Variants in KCNIP4 observed in about 807,000 individuals in gnomAD.
KCNIP4 encodes potassium voltage-gated channel interacting protein 4.
A neutral mutation model predicts 34.0 loss-of-function variants in KCNIP4; 12 were observed. The ratio of observed to expected loss-of-function variants is 0.35; its 90% CI spans 0.23 to 0.57. The LOEUF is 0.57. Among genes scored for constraint, KCNIP4 ranks in the 20% least tolerant of loss-of-function variants. KCNIP4 has a pLI of 0.83. For missense variants in KCNIP4, 238 were observed against 311.7 expected (o/e 0.76, Z 1.78); for synonymous variants, 124 against 102.2 (o/e 1.21, Z -1.29).
intron 1 of KCNIP4, among the ~76,000 whole-genome samples, chr4:21,625,421 T>C (rs1214615369): frequency 1.3e-5 from 2 of 152,122 alleles, no homozygotes; most frequent in African/African-American, 4.8e-5. Flanking sequence ...GTTATCCTAA[T>C]TGGGGAGTAG....
intron 1 of KCNIP4, among the ~76,000 whole-genome samples, chr4:21,223,013 G>A (rs1758092191): frequency 1.3e-5 from 2 of 152,274 alleles, no homozygotes; most frequent in African/African-American, 4.8e-5. Context: ...TCCCAAAGAT[G>A]TCCACATCCT....
In KCNIP4 at chr4:21,054,388, G is replaced by T. The variant is rs1743217537; in HGVS notation, c.62-171679C>A. On this transcript the variant is annotated intron_variant, in intron 1 of 8. Coordinates refer to ENST00000382152, the MANE Select transcript of KCNIP4 (RefSeq NM_025221.6). ...ACAAAAATTAGCCAGGCGTGGTGGT[G>T]GACAACTGTAATCCCAGCTACTCAG... Among the ~76,000 whole-genome samples the T allele has an allele frequency of 2.0e-5, 3 of 151,832 alleles. No homozygotes were observed. The South Asian group carries it at 6.2e-4, about 32-fold the overall frequency.
Position 21,771,575 on chromosome 4 carries a change from G to C in KCNIP4, c.61+176996C>G, listed in dbSNP as rs557688121. 9.9e-5 allele frequency among the ~76,000 whole-genome samples: 15 copies of C among 152,248 alleles called. No individual in the cohort carries two copies. In the East Asian group the frequency reaches 1.9e-3, roughly 20 times the overall value. On this transcript the variant is annotated intron_variant, in intron 1 of 8. Coordinates refer to ENST00000382152, the MANE Select transcript of KCNIP4 (RefSeq NM_025221.6). ...TGATATTGATTCTTCCTATCCATGA[G>C]GATGGAATGTTTTCCCATTTGTTTG...
chr4:21,342,154 A>G (rs559126347), intron 1 of KCNIP4, among the ~76,000 whole-genome samples: 3 of 152,214 alleles, frequency 2.0e-5, no homozygotes, highest in Non-Finnish European at 4.4e-5. Context: ...GGCACGGGGT[A>G]GGAAGAAAAG....
At chr4:21,476,328 A>G (rs1249239003) in intron 1 of KCNIP4, among the ~76,000 whole-genome samples, 1 of 152,160 alleles carries the variant, frequency 6.6e-6, no homozygotes, top group Non-Finnish European at 1.5e-5. Context: ...CTCGAATATC[A>G]TATGTTGAAG....
chr4:21,583,344 C>T (rs1160039321), intron 1 of KCNIP4, among the ~76,000 whole-genome samples: 2 of 151,840 alleles, frequency 1.3e-5, no homozygotes, highest in Non-Finnish European at 2.9e-5. Context: ...TGCTGTGCTT[C>T]AGGATCCTCA....
rs200565369 is a variant in KCNIP4 at position 20,876,719 on chromosome 4, C to T, written c.163+5889G>A. On this transcript the variant is annotated intron_variant, in intron 2 of 8. Coordinates refer to ENST00000382152, the MANE Select transcript of KCNIP4 (RefSeq NM_025221.6). ...CCTTCCAAGTAGCTGGGACTACAGA[C>T]GTGCCACCACGCCCAGCTAATTTTT... Among the ~76,000 whole-genome samples, 23 of 152,210 alleles carry T rather than the reference C, an allele frequency of 1.5e-4. No homozygotes were observed. The East Asian group carries it at 2.5e-3, about 17-fold the overall frequency.
chr4:21,238,440 G>C (rs1482914921), intron 1 of KCNIP4, among the ~76,000 whole-genome samples: 1 of 152,142 alleles, frequency 6.6e-6, no homozygotes, highest in Non-Finnish European at 1.5e-5. Flanking sequence ...AAGTCAAATT[G>C]TCCCTGTTTG....
In KCNIP4 at chr4:21,396,567, A is replaced by AAAAAAAAAG. The variant is rs1471867804; in HGVS notation, c.62-513859_62-513858insCTTTTTTTT. ...AAGACTCCAAAAAAAAAAAAAAAAA[A>AAAAAAAAAG]AGAGGATTCTGATATTTAAAGTAGA... is the stretch of plus-strand genomic sequence containing the variant. On this transcript the variant is annotated intron_variant, in intron 1 of 8. Coordinates refer to ENST00000382152, the MANE Select transcript of KCNIP4 (RefSeq NM_025221.6). Among the ~76,000 whole-genome samples the AAAAAAAAAG allele has an allele frequency of 7.9e-5, 12 of 151,056 alleles. No homozygotes were observed. The South Asian group carries it at 2.3e-3, about 29-fold the overall frequency.
intron 1 of KCNIP4, among the ~76,000 whole-genome samples, chr4:21,435,812 C>T (rs1050265410): frequency 2.0e-5 from 3 of 152,080 alleles, no homozygotes; most frequent in South Asian, 4.1e-4. Flanking sequence ...TTGTTATCAA[C>T]GACTTCTACT....
chr4:21,714,261 C>G (rs1328935022), intron 1 of KCNIP4, among the ~76,000 whole-genome samples: 1 of 152,146 alleles, frequency 6.6e-6, no homozygotes. Flanking sequence ...CTCATAGCAG[C>G]TAGGAACATT....
chr4:21,839,950 C>A (rs2109318765), intron 1 of KCNIP4, among the ~76,000 whole-genome samples: 1 of 152,084 alleles, frequency 6.6e-6, no homozygotes, highest in East Asian at 1.9e-4. Flanking sequence ...CCCTCCCCAC[C>A]CTACATCTTG....
rs1378141523 is a variant in KCNIP4, at chr4:21,178,834, TG to T, written c.62-296126del. On this transcript the variant is annotated intron_variant, in intron 1 of 8. Transcript: ENST00000382152. ...ACCAAACTTTTTTTTTTTTTTTTTT[TG>T]TTTTGAGTGTCTCATTCATTGCTCA... is the stretch of plus-strand genomic sequence containing the variant. Among the ~76,000 whole-genome samples, 683 of 139,574 alleles carry T rather than the reference TG, an allele frequency of 4.9e-3. 6 individuals are homozygous for T. Among genetic ancestry groups the T allele is most frequent in the African/African-American group, 0.014 (536 of 38,150 alleles). 91.6% of individuals were successfully genotyped at this position (139,574 alleles called of 152,430 possible). A position where few individuals can be genotyped will look rare whatever the true frequency, so the allele number is the denominator to read the frequency against.
chr4:21,358,092 T>A (rs1452724452), intron 1 of KCNIP4, among the ~76,000 whole-genome samples: 1 of 152,114 alleles, frequency 6.6e-6, no homozygotes, highest in Admixed American at 6.6e-5. Context: ...CACCGCCTGT[T>A]CTCACTCATA....
chr4:21,143,404 G>T (rs1752116153), intron 1 of KCNIP4, among the ~76,000 whole-genome samples: 1 of 152,162 alleles, frequency 6.6e-6, no homozygotes, highest in African/African-American at 2.4e-5. Context: ...AGGAAATGGG[G>T]AACCTCAGTC....
chr4:21,525,326 T>C (rs1036660622), intron 1 of KCNIP4, among the ~76,000 whole-genome samples: 1 of 152,134 alleles, frequency 6.6e-6, no homozygotes, highest in Non-Finnish European at 1.5e-5. Flanking sequence ...TGCTTAGTAT[T>C]AGTTGGACAA....
chr4:21,911,057 G>T (rs566234878), intron 1 of KCNIP4, among the ~76,000 whole-genome samples: 2 of 151,886 alleles, frequency 1.3e-5, no homozygotes, highest in Non-Finnish European at 2.9e-5. Context: ...CATACAATGA[G>T]TTGACAGCCT....
intron 1 of KCNIP4, among the ~76,000 whole-genome samples, chr4:20,959,531 C>T (rs1301611977): frequency 6.6e-6 from 1 of 152,198 alleles, no homozygotes; most frequent in African/African-American, 2.4e-5. Context: ...CTCCTTCTAT[C>T]CTAGGTATTT....
At chr4:21,700,271 T>C (rs1361492406) in intron 1 of KCNIP4, among the ~76,000 whole-genome samples, 1 of 152,232 alleles carries the variant, frequency 6.6e-6, no homozygotes, top group Non-Finnish European at 1.5e-5. Context: ...TTTTGGCTAA[T>C]AGCCATTCTA....
Sources: gnomAD v4.1 joint callset for allele counts (sites outside exome capture counted in the v4.1 genomes callset) on GRCh38, gnomAD v4.1.1 for gene constraint, MANE v1.5 for transcripts, NCBI Gene and HGNC (gene_info 2026-07-23, HGNC 2026-07-21) for gene names.